Variants in ROCK1 observed in about 807,000 individuals in gnomAD.
The protein encoded by ROCK1 is rho-associated protein kinase 1.
In ROCK1, 36 loss-of-function variants were observed where a neutral mutation model predicts 196.8. The observed-to-expected ratio is 0.18, with a 90% CI of 0.14 to 0.24. ROCK1 has a LOEUF of 0.24. ROCK1 is among the 10% of genes least tolerant of loss of function. The pLI is 1.00. For synonymous variants in ROCK1, 443 were observed against 515.9 expected, an observed-to-expected ratio of 0.86 and a Z score of 1.91; for missense variants, 920 against 1,562.0, an observed-to-expected ratio of 0.59 and a Z score of 6.93.
chr18:21,032,511 T>G (rs549592398), intron 9 of ROCK1, among the ~76,000 whole-genome samples: 30 of 150,526 alleles, frequency 2.0e-4, no homozygotes, highest in East Asian at 1.9e-3. Context: ...GGAAAGTTTT[T>G]TTTTTTTTTT....
Position 20,970,352 on chromosome 18 carries a change from C to T in ROCK1, c.2816G>A (p.Ser939Asn), listed in dbSNP as rs779510967. 1.9e-6 allele frequency: 3 copies of T among 1,612,092 alleles called. No individual in the cohort carries two copies. Among genetic ancestry groups the T allele is most frequent in the Admixed American group, 3.3e-5 (2 of 60,004 alleles). ...TTACCTGACTATCACACTTACCCGA[C>T]TAACAGTGTGATCTTTATCTGTAAT... is the stretch of plus-strand genomic sequence containing the variant. ...QEITDKDHTV[S>N]RLEEANSMLT... is the part of the protein sequence containing the mutation. Residue 939 changes from serine to asparagine, a missense_variant, in exon 23 of 33, where the codon AGT (serine) becomes AAT (asparagine). This residue lies in a region of ROCK1 where 520 missense variants were observed against 657.1 expected (regional missense o/e 0.79). Transcript: ENST00000399799.
intron 10 of ROCK1, among the ~76,000 whole-genome samples, chr18:21,025,333 A>G (rs1598532951): frequency 6.6e-6 from 1 of 152,340 alleles, no homozygotes; most frequent in East Asian, 1.9e-4. Flanking sequence ...TATTAAAAGT[A>G]TATCTGGATT....
At chr18:21,057,928 A>C (rs974357332) in intron 2 of ROCK1, among the ~76,000 whole-genome samples, 2 of 152,242 alleles carry the variant, frequency 1.3e-5, no homozygotes, top group Non-Finnish European at 2.9e-5. Flanking sequence ...TGTGGGACCA[A>C]GATATCTACA....
chr18:21,085,748 T>C (rs917529545), intron 1 of ROCK1, among the ~76,000 whole-genome samples: 2 of 152,220 alleles, frequency 1.3e-5, no homozygotes, highest in Admixed American at 1.3e-4. Flanking sequence ...CATGTGATCT[T>C]GAGCAAGTTA....
chr18:21,103,918 C>G (rs1454595426), intron 1 of ROCK1, among the ~76,000 whole-genome samples: 2 of 152,228 alleles, frequency 1.3e-5, no homozygotes. Flanking sequence ...TCACACCACA[C>G]TAATGGCATA....
intron 1 of ROCK1, among the ~76,000 whole-genome samples, chr18:21,075,577 T>C (rs2036422556): frequency 1.3e-5 from 2 of 152,242 alleles, no homozygotes; most frequent in African/African-American, 4.8e-5. Context: ...CATGAGAACA[T>C]ATGCAATCAT....
In ROCK1 at chr18:20,949,959, A is replaced by T. The variant is rs2143307962; in HGVS notation, c.*1425T>A. The T allele has an allele frequency of 6.5e-6, 1 of 152,824 alleles. No individual in the cohort carries two copies. Among genetic ancestry groups the T allele is most frequent in the East Asian group, 1.9e-4 (1 of 5,192 alleles). The allele number at this position is 152,824 out of a possible 1,614,324, so 9.5% of individuals were successfully genotyped here. ...ATAACAGATATGTTTATTATTACAT[A>T]TCCATCAGTGCGGCTTTCAATACCA... On this transcript the variant is annotated 3_prime_UTR_variant, in exon 33 of 33. Transcript: ENST00000399799.
intron 6 of ROCK1, 135 bp downstream of exon 6, chr18:21,043,967 G>A (rs1461662129): frequency 1.0e-5 from 6 of 582,312 alleles, no homozygotes; most frequent in South Asian, 8.8e-5. Context: ...AACAAATAAG[G>A]TCATATTAAT....
chr18:21,022,724 C>T (rs1471844940), intron 11 of ROCK1, among the ~76,000 whole-genome samples: 5 of 152,154 alleles, frequency 3.3e-5, no homozygotes, highest in Admixed American at 6.5e-5. Flanking sequence ...AGGGCAATGG[C>T]TTCCCACTCT....
chr18:21,110,077 A>G (rs2036737013), intron 1 of ROCK1, among the ~76,000 whole-genome samples: 1 of 152,082 alleles, frequency 6.6e-6, no homozygotes, highest in African/African-American at 2.4e-5. Context: ...ATTATCAACC[A>G]CTTAACTATT....
intron 22 of ROCK1, 21 bp downstream of exon 22, chr18:20,979,889 T>C (rs2035514970): frequency 6.6e-7 from 1 of 1,519,966 alleles, no homozygotes; most frequent in East Asian, 2.5e-5. Context: ...TGATTCTTGT[T>C]CTAAAGTAAA....
intron 12 of ROCK1, among the ~76,000 whole-genome samples, chr18:21,016,602 A>C (rs1477261407): frequency 1.3e-5 from 2 of 152,142 alleles, no homozygotes; most frequent in African/African-American, 4.8e-5. Context: ...TAAATACCTC[A>C]TTCAGCATCT....
intron 1 of ROCK1, among the ~76,000 whole-genome samples, chr18:21,086,754 A>G (rs1431933574): frequency 1.3e-5 from 2 of 150,850 alleles, no homozygotes; most frequent in Admixed American, 6.6e-5. Context: ...GAAATTCTAC[A>G]TCCACTGAAA....
Position 20,979,987 on chromosome 18 carries a change from C to A in ROCK1, c.2577G>T (p.Gln859His), listed in dbSNP as rs1224194321. The change falls in exon 22 of 33, where the codon CAG becomes CAT. Residue 859 changes from glutamine (Q) to histidine (H), a missense_variant. Around this residue, in one of 6 missense-constraint regions of ROCK1, gnomAD observed 520 missense variants for 657.1 expected, o/e 0.79. Coordinates refer to ENST00000399799, the MANE Select transcript of ROCK1 (RefSeq NM_005406.3). ...EQYFSTLYKT[Q>H]VKELKEEIEE... Reference sequence around the variant, plus strand: ...CAATTTCTTCTTTAAGTTCCTTTACCTGGGTTTTATAAAGTGTCTGCAAAA... The same window carrying A: ...CAATTTCTTCTTTAAGTTCCTTTACATGGGTTTTATAAAGTGTCTGCAAAA... The A allele has an allele frequency of 3.0e-5, 46 of 1,549,248 alleles. No homozygotes were observed. Among genetic ancestry groups the A allele is most frequent in the Non-Finnish European group, 4.0e-5 (46 of 1,145,952 alleles).
At chr18:21,055,630 A>T (rs1463476491) in intron 2 of ROCK1, among the ~76,000 whole-genome samples, 2 of 151,086 alleles carry the variant, frequency 1.3e-5, no homozygotes, top group Non-Finnish European at 3.0e-5. Flanking sequence ...TGCTCAAGCA[A>T]TTCTCCCCTT....
intron 29 of ROCK1, among the ~76,000 whole-genome samples, chr18:20,956,825 C>G (rs1045141222): frequency 2.0e-5 from 3 of 151,908 alleles, no homozygotes; most frequent in Admixed American, 6.6e-5. Context: ...TCTTAAAAAC[C>G]AATCTTAAAA....
chr18:21,028,928 T>C lies in ROCK1; in HGVS notation c.1059A>G (p.Ala353=). 1 of 1,607,440 alleles carries C rather than the reference T, an allele frequency of 6.2e-7. No individual in the cohort carries two copies. Among genetic ancestry groups the C allele is most frequent in the Non-Finnish European group, 8.5e-7 (1 of 1,178,578 alleles). ...WAWETLRDTV[A]PVVPDLSSDI... Reference sequence around the variant, plus strand: ...CACTACTTAAATCGGGTACAACTGGTGCTACAGCTAAAGACAAAACAAAAT... The same window carrying C: ...CACTACTTAAATCGGGTACAACTGGCGCTACAGCTAAAGACAAAACAAAAT... The change falls in exon 10 of 33, where the codon GCA becomes GCG. Residue 353 remains alanine, a synonymous_variant. Transcript: ENST00000399799.
At chr18:20,981,261 G>T (rs2035530398) in intron 21 of ROCK1, among the ~76,000 whole-genome samples, 1 of 152,008 alleles carries the variant, frequency 6.6e-6, no homozygotes, top group Non-Finnish European at 1.5e-5. Flanking sequence ...AGGCATGGTG[G>T]CGGGCGCCTG....
At chr18:20,990,969 A>G (rs2035619981) in intron 18 of ROCK1, among the ~76,000 whole-genome samples, 1 of 152,000 alleles carries the variant, frequency 6.6e-6, no homozygotes. Flanking sequence ...CACATTGGCC[A>G]GGCTGGTCTC....
Sources: allele counts gnomAD v4.1 joint callset (sites outside exome capture counted in the v4.1 genomes callset), GRCh38; gene constraint gnomAD v4.1.1; regional missense constraint gnomAD v4.1.1; transcripts MANE v1.5; gene names NCBI Gene and HGNC (gene_info 2026-07-23, HGNC 2026-07-21).